SDK1: variants seen among roughly 807,000 people sequenced by gnomAD.
SDK1 encodes sidekick cell adhesion molecule 1, also known as protein sidekick-1.
Under a neutral mutation model 245.5 loss-of-function variants are expected in SDK1, and 157 were observed. That is an observed-to-expected ratio of 0.64 (90% CI 0.56 to 0.73). The LOEUF (loss-of-function observed/expected upper bound fraction) is 0.73. SDK1 is among the 30% of genes least tolerant of loss of function. The pLI is 0.00. For missense variants in SDK1, 3,583 were observed against 3,002.3 expected (o/e 1.19, Z -4.52); for synonymous variants, 1,647 against 1,278.5 (o/e 1.29, Z -6.15).
Position 4,221,256 on chromosome 7 carries a change from A to G in SDK1, c.5719A>G (p.Arg1907Gly). 3.7e-6 allele frequency: 6 copies of G among 1,613,736 alleles called. No individual in the cohort carries two copies. Among genetic ancestry groups the G allele is most frequent in the Non-Finnish European group, 5.1e-6 (6 of 1,179,994 alleles). Reference sequence around the variant, plus strand: ...TCCCGCAGGATCCCCGGGCTCGCCTAGAGATGTCCTGGTCACCAAGTCCGC... The same window carrying G: ...TCCCGCAGGATCCCCGGGCTCGCCTGGAGATGTCCTGGTCACCAAGTCCGC... ...GPAEGSPGSP[R>G]DVLVTKSASE... Residue 1907 changes from arginine to glycine, a missense_variant, in exon 40 of 45, where the codon AGA (arginine) becomes GGA (glycine). Coordinates refer to ENST00000404826, the MANE Select transcript of SDK1 (RefSeq NM_152744.4).
intron 1 of SDK1, among the ~76,000 whole-genome samples, chr7:3,601,615 A>G (rs1781256349): frequency 1.3e-5 from 2 of 151,710 alleles, no homozygotes; most frequent in South Asian, 4.2e-4. Context: ...TAGTCTTGCT[A>G]GAGGTTTATC....
At chr7:3,761,565 A>AAT (rs1554259190) in intron 4 of SDK1, among the ~76,000 whole-genome samples, 28 of 151,180 alleles carry the variant, frequency 1.9e-4, no homozygotes, top group Admixed American at 1.4e-3. Context: ...AAAAAAAAAA[A>AAT]AATAATAATA....
intron 2 of SDK1, among the ~76,000 whole-genome samples, chr7:3,638,113 A>T (rs1409437482): frequency 6.6e-6 from 1 of 152,232 alleles, no homozygotes; most frequent in Non-Finnish European, 1.5e-5. Flanking sequence ...GTTGTGAGTT[A>T]TATCTCCTGT....
At chr7:3,677,750 A>T (rs193066273) in intron 4 of SDK1, among the ~76,000 whole-genome samples, 2 of 152,232 alleles carry the variant, frequency 1.3e-5, no homozygotes, top group Admixed American at 1.3e-4. Context: ...AAGACTTACT[A>T]TGTTGCTGTG....
Position 3,418,242 on chromosome 7 carries a change from G to A in SDK1, c.298+116358G>A, listed in dbSNP as rs180917785. Among the ~76,000 whole-genome samples, 143 of 151,876 alleles carry A rather than the reference G, an allele frequency of 9.4e-4. 1 individual carries two copies. The highest frequency in any genetic ancestry group is 9.3e-4 in the Non-Finnish European group (63 of 67,940). ...TGAGGCAGGAGAATTGCTTGAGCCC[G>A]GGAGGCGGAGGTTGCAGTGAGCCGA... On this transcript the variant is annotated intron_variant, in intron 1 of 44. Coordinates refer to ENST00000404826, the MANE Select transcript of SDK1 (RefSeq NM_152744.4).
At chr7:3,419,735 C>T (rs568106265) in intron 1 of SDK1, among the ~76,000 whole-genome samples, 25 of 152,260 alleles carry the variant, frequency 1.6e-4, no homozygotes, top group African/African-American at 6.0e-4. Flanking sequence ...TGAGAACTAC[C>T]TGTGTATTCA....
intron 9 of SDK1, among the ~76,000 whole-genome samples, chr7:3,963,801 C>T (rs148530192): frequency 0.043 from 6,591 of 151,728 alleles, 118 homozygotes; most frequent in Non-Finnish European, 0.062. Context: ...CTGACCTGGA[C>T]GTATCCAGTG....
At chr7:3,854,470 A>G (rs1780492323) in intron 5 of SDK1, among the ~76,000 whole-genome samples, 1 of 152,182 alleles carries the variant, frequency 6.6e-6, no homozygotes, top group Non-Finnish European at 1.5e-5. Context: ...TCTCAATACT[A>G]ATTACTGGTG....
intron 1 of SDK1, among the ~76,000 whole-genome samples, chr7:3,401,033 C>G (rs1778874754): frequency 6.6e-6 from 1 of 152,144 alleles, no homozygotes; most frequent in Admixed American, 6.5e-5. Flanking sequence ...CTAATACTGC[C>G]TCTGCGTGGG....
chr7:3,715,439 C>G (rs1003971175), intron 4 of SDK1, among the ~76,000 whole-genome samples: 1 of 152,146 alleles, frequency 6.6e-6, no homozygotes, highest in Non-Finnish European at 1.5e-5. Context: ...ACTGATAGCC[C>G]AAAGATATCC....
chr7:4,226,479 C>T (rs992785095), intron 40 of SDK1, among the ~76,000 whole-genome samples: 3 of 152,218 alleles, frequency 2.0e-5, no homozygotes, highest in African/African-American at 7.2e-5. Flanking sequence ...TTCCTTACAC[C>T]CCCCGCACAT....
intron 1 of SDK1, among the ~76,000 whole-genome samples, chr7:3,418,152 A>AAAG (rs1562474922): frequency 3.6e-5 from 2 of 55,394 alleles, no homozygotes; most frequent in Non-Finnish European, 1.1e-4. Context: ...AATGAAAAAA[A>AAAG]AAAAAAAAAA....
chr7:3,476,751 G>C (rs549656293), intron 1 of SDK1, among the ~76,000 whole-genome samples: 2 of 152,262 alleles, frequency 1.3e-5, no homozygotes, highest in East Asian at 1.9e-4. Context: ...AGTTTGGTTT[G>C]GATGACCTCA....
At chr7:4,005,261 G>A (rs1785382371) in intron 14 of SDK1, among the ~76,000 whole-genome samples, 1 of 151,750 alleles carries the variant, frequency 6.6e-6, no homozygotes, top group African/African-American at 2.4e-5. Context: ...TGGCCAGGAT[G>A]GTCTTGATCT....
Position 3,983,323 on chromosome 7 carries a change from C to T in SDK1, c.1995-3863C>T, listed in dbSNP as rs147082261. Among the ~76,000 whole-genome samples the T allele has an allele frequency of 1.4e-4, 21 of 152,232 alleles. No individual in the cohort carries two copies. In the East Asian group the frequency reaches 2.3e-3, roughly 17 times the overall value. Reference sequence around the variant, plus strand: ...TCATGAGAGGAAGAGTCCGTTGATGCGCCAGGCTTCACTGCTGTCTCGTTT... The same window carrying T: ...TCATGAGAGGAAGAGTCCGTTGATGTGCCAGGCTTCACTGCTGTCTCGTTT... On this transcript the variant is annotated intron_variant, in intron 13 of 44. Transcript: ENST00000404826.
chr7:3,766,871 G>A (rs1299128411), intron 4 of SDK1, among the ~76,000 whole-genome samples: 1 of 152,182 alleles, frequency 6.6e-6, no homozygotes, highest in Admixed American at 6.5e-5. Context: ...ATACTCCTTA[G>A]AGTGAGCTCA....
At chr7:3,428,339 G>A (rs370749676) in intron 1 of SDK1, among the ~76,000 whole-genome samples, 1 of 152,266 alleles carries the variant, frequency 6.6e-6, no homozygotes, top group South Asian at 2.1e-4. Flanking sequence ...ATTAAACTGT[G>A]GTAACTGAAA....
At chr7:4,211,150 G>A (rs760177865) in intron 38 of SDK1, among the ~76,000 whole-genome samples, 13 of 152,252 alleles carry the variant, frequency 8.5e-5, no homozygotes, top group African/African-American at 2.2e-4. Flanking sequence ...CCAATCCCCC[G>A]TCTCAGTGTC....
intron 22 of SDK1, among the ~76,000 whole-genome samples, chr7:4,083,987 C>T (rs1036452165): frequency 3.3e-5 from 5 of 152,044 alleles, no homozygotes; most frequent in African/African-American, 1.2e-4. Flanking sequence ...TCTCCATCAG[C>T]TTTTTATCTA....
Sources: allele counts gnomAD v4.1 joint callset (sites outside exome capture counted in the v4.1 genomes callset), GRCh38; gene constraint gnomAD v4.1.1; transcripts MANE v1.5; gene names NCBI Gene and HGNC (gene_info 2026-07-23, HGNC 2026-07-21).